The following SLC22A11 variants were observed in gnomAD, a reference collection of about 807,000 sequenced individuals.
The protein encoded by SLC22A11 is solute carrier family 22 member 11, also known as organic anion transporter 4.
SLC22A11 carries 42 observed loss-of-function variants against 49.4 expected under a neutral mutation model. That is an observed-to-expected ratio of 0.85 (90% confidence interval 0.66 to 1.10). The LOEUF is 1.10. SLC22A11 is among the 50% of genes least tolerant of loss of function. SLC22A11 has a pLI of 0.00. For synonymous variants in SLC22A11, 304 were observed against 315.8 expected (o/e 0.96, Z 0.40); for missense variants, 685 against 731.6 (o/e 0.94, Z 0.74).
intron 4 of SLC22A11, among the ~76,000 whole-genome samples, chr11:64,563,924 A>ACC (rs2038585777): frequency 2.0e-5 from 3 of 152,036 alleles, no homozygotes; most frequent in African/African-American, 7.2e-5. Context: ...TCAAAAAAAA[A>ACC]ACAAAAAAAC....
chr11:64,556,089 G>A lies in SLC22A11; in HGVS notation c.90G>A (p.Met30Ile). The A allele has an allele frequency of 6.2e-7, 1 of 1,614,088 alleles. No individual in the cohort carries two copies. Among genetic ancestry groups the A allele is most frequent in the African/African-American group, 1.3e-5 (1 of 75,046 alleles). Residue 30 changes from methionine (M) to isoleucine (I), a missense_variant, in exon 1 of 10, where the codon ATG becomes ATA. By Grantham distance (10) the Met-to-Ile change is conservative. Coordinates refer to ENST00000301891, the MANE Select transcript of SLC22A11 (RefSeq NM_018484.4). ...QVLTFILPCL[M>I]IPSQMLLENF... ...TCACCTTCATCCTCCCCTGCCTCATGATACCTTCCCAGATGCTCCTGGAGA... is the reference window on the plus strand; with the variant it reads ...TCACCTTCATCCTCCCCTGCCTCATAATACCTTCCCAGATGCTCCTGGAGA...
rs1213161912 is a variant in SLC22A11 at position 64,564,876 on chromosome 11, T to G, written c.943-346T>G. On this transcript the variant is annotated intron_variant, in intron 5 of 9. Coordinates refer to ENST00000301891, the MANE Select transcript of SLC22A11 (RefSeq NM_018484.4). The surrounding 1 kb of genome is among the most constrained non-coding windows in gnomAD (Gnocchi z 4.2). ...ACCCACCTCATGGGGGTTCTCGATGTGTCTGGGGAAACAGAATGTGTTTAT... is the reference window on the plus strand; with the variant it reads ...ACCCACCTCATGGGGGTTCTCGATGGGTCTGGGGAAACAGAATGTGTTTAT... Among the ~76,000 whole-genome samples the G allele has an allele frequency of 6.6e-6, 1 of 152,180 alleles. No homozygotes were observed. The highest frequency in any genetic ancestry group is 1.5e-5 in the Non-Finnish European group (1 of 68,022).
At chr11:64,561,761 C>T (rs959208626) in intron 2 of SLC22A11, among the ~76,000 whole-genome samples, 1 of 151,924 alleles carries the variant, frequency 6.6e-6, no homozygotes, top group Non-Finnish European at 1.5e-5. Flanking sequence ...CATGAACCAC[C>T]GTGCCTGGCC....
At chr11:64,561,909 G>A in intron 2 of SLC22A11, 95 bp from the exon 3 acceptor site, 2 of 1,411,734 alleles carry the variant, frequency 1.4e-6, no homozygotes, top group South Asian at 2.8e-5. Context: ...GAGATCCCCT[G>A]GCGTTGTTGA....
intron 4 of SLC22A11, among the ~76,000 whole-genome samples, chr11:64,563,300 T>A (rs571150268): frequency 6.6e-6 from 1 of 152,114 alleles, no homozygotes; most frequent in Non-Finnish European, 1.5e-5. Flanking sequence ...ATGATGCGAT[T>A]ACCACCATTT....
intron 6 of SLC22A11, chr11:64,566,639 G>C (rs554189094): frequency 6.6e-6 from 1 of 152,100 alleles, no homozygotes; most frequent in East Asian, 1.9e-4. Flanking sequence ...CTCCAGTGTC[G>C]GCCGCTTTGA....
At chr11:64,557,010 G>A (rs1388203365) in intron 1 of SLC22A11, among the ~76,000 whole-genome samples, 2 of 152,290 alleles carry the variant, frequency 1.3e-5, no homozygotes, top group South Asian at 2.1e-4. Context: ...GCCCAGATTC[G>A]GATCGGGGCT....
Position 64,562,066 on chromosome 11 carries a change from C to A in SLC22A11, c.560C>A (p.Thr187Asn), listed in dbSNP as rs374535538. The change falls in exon 3 of 10, where the codon ACC becomes AAC. Residue 187 changes from threonine to asparagine, a missense_variant. Physicochemically the swap from Thr to Asn is moderately conservative, Grantham distance 65. Coordinates refer to ENST00000301891, the MANE Select transcript of SLC22A11 (RefSeq NM_018484.4). This position sits in a 1 kb window ranked among gnomAD's most constrained non-coding sequence, Gnocchi z 4.4. ...CLQLAVAGTS[T>N]IFAPTFVIYC... The stretch of plus-strand genomic sequence containing the variant: ...CAGTTGGCCGTGGCGGGCACCAGCA[C>A]CATCTTCGCCCCAACATTCGTCATC... The A allele has an allele frequency of 3.5e-5, 56 of 1,613,698 alleles. No homozygotes were observed. The highest frequency in any genetic ancestry group is 4.7e-5 in the Non-Finnish European group (56 of 1,180,032).
intron 4 of SLC22A11, among the ~76,000 whole-genome samples, chr11:64,563,931 A>G (rs923554332): frequency 1.3e-5 from 2 of 151,856 alleles, no homozygotes; most frequent in Non-Finnish European, 2.9e-5. Context: ...AAAAACAAAA[A>G]AACCCAGCAC....
chr11:64,571,278 A>T lies in SLC22A11; in HGVS notation c.*236A>T. 3.7e-6 allele frequency: 2 copies of T among 547,634 alleles called. No homozygotes were observed. The highest frequency in any genetic ancestry group is 3.3e-6 in the Non-Finnish European group (1 of 306,884). 33.9% of individuals were successfully genotyped at this position (547,634 alleles called of 1,614,324 possible). ...CCCCACCTTACCCGGGCCCTACAGG[A>T]GCCTGTGCAGATGGCCATGCCCAAC... On this transcript the variant is annotated 3_prime_UTR_variant, in exon 10 of 10. Coordinates refer to ENST00000301891, the MANE Select transcript of SLC22A11 (RefSeq NM_018484.4).
At chr11:64,558,867 G>A (rs944395089) in intron 1 of SLC22A11, among the ~76,000 whole-genome samples, 1 of 152,210 alleles carries the variant, frequency 6.6e-6, no homozygotes, top group Non-Finnish European at 1.5e-5. Flanking sequence ...CCTGCTGCCT[G>A]TCAGAGTCTG....
At chr11:64,566,936 G>A (rs1238512069) in intron 6 of SLC22A11, among the ~76,000 whole-genome samples, 1 of 152,210 alleles carries the variant, frequency 6.6e-6, no homozygotes, top group Non-Finnish European at 1.5e-5. Flanking sequence ...TCGTGAGCCA[G>A]TGGGGTGGGG....
rs2038603447 is a variant in SLC22A11, at chr11:64,565,019, A to G, written c.943-203A>G. On this transcript the variant is annotated intron_variant, in intron 5 of 9. Transcript: ENST00000301891. The surrounding 1 kb of genome is among the most constrained non-coding windows in gnomAD (Gnocchi z 4.1). ...GCTAGAGCTGAGAGGACCAGGGCTG[A>G]GTCAAACCTGCAGAAGAGCCAGGGC... 6.6e-6 allele frequency among the ~76,000 whole-genome samples: 1 copy of G among 152,240 alleles called. No individual in the cohort carries two copies.
rs1591378487 is a variant in SLC22A11, at chr11:64,571,257, A to C, written c.*215A>C. The stretch of plus-strand genomic sequence containing the variant: ...TCTCCCTGCCCTGATCAGATTCCCC[A>C]CCTTACCCGGGCCCTACAGGAGCCT... On this transcript the variant is annotated 3_prime_UTR_variant, in exon 10 of 10. Coordinates refer to ENST00000301891, the MANE Select transcript of SLC22A11 (RefSeq NM_018484.4). 1 of 572,446 alleles carries C rather than the reference A, an allele frequency of 1.7e-6. No individual in the cohort carries two copies. Among genetic ancestry groups the C allele is most frequent in the Non-Finnish European group, 3.1e-6 (1 of 322,274 alleles). The allele number at this position is 572,446 out of a possible 1,614,324, so 35.5% of individuals were successfully genotyped here. A position where few individuals can be genotyped will look rare whatever the true frequency, so the allele number is the denominator to read the frequency against.
At chr11:64,568,110 G>A (rs1285143416) in intron 7 of SLC22A11, among the ~76,000 whole-genome samples, 2 of 152,260 alleles carry the variant, frequency 1.3e-5, no homozygotes, top group Admixed American at 6.5e-5. Flanking sequence ...AGGCGGCCGG[G>A]GCCCTGCAGG....
intron 8 of SLC22A11, 69 bp from the exon 9 acceptor site, chr11:64,569,583 G>T (rs1730856669): frequency 6.6e-7 from 1 of 1,506,258 alleles, no homozygotes; most frequent in Admixed American, 1.8e-5. Context: ...TGGCATCTGT[G>T]AGCCCAGGAT....
rs377453914 is a variant in SLC22A11, at chr11:64,564,809, G to A, written c.942+381G>A. Among the ~76,000 whole-genome samples, 9 of 151,790 alleles carry A rather than the reference G, an allele frequency of 5.9e-5. No individual in the cohort carries two copies. The highest frequency in any genetic ancestry group is 1.0e-4 in the Non-Finnish European group (7 of 67,896). The stretch of plus-strand genomic sequence containing the variant: ...CATCATTATCAACAGCACCCACACC[G>A]TCACCTCCATCACCCACCACCTCCA... On this transcript the variant is annotated intron_variant, in intron 5 of 9. Transcript: ENST00000301891. The surrounding 1 kb of genome is among the most constrained non-coding windows in gnomAD (Gnocchi z 4.2).
intron 2 of SLC22A11, among the ~76,000 whole-genome samples, chr11:64,561,652 G>A (rs1309524685): frequency 6.8e-6 from 1 of 146,840 alleles, no homozygotes; most frequent in Non-Finnish European, 1.5e-5. Context: ...TATTTATTTA[G>A]TAGAGACTGA....
Position 64,562,127 on chromosome 11 carries a change from G to A in SLC22A11, c.621G>A (p.Met207Ile), listed in dbSNP as rs777253728. The A allele has an allele frequency of 2.5e-6, 4 of 1,613,764 alleles. No individual in the cohort carries two copies. The African/African-American group carries it at 5.3e-5, about 22-fold the overall frequency. The change falls in exon 3 of 10, where the codon ATG (methionine) becomes ATA (isoleucine). Residue 207 changes from methionine to isoleucine, a missense_variant. By Grantham distance (10) the Met-to-Ile change is conservative. Coordinates refer to ENST00000301891, the MANE Select transcript of SLC22A11 (RefSeq NM_018484.4). This position sits in a 1 kb window ranked among gnomAD's most constrained non-coding sequence, Gnocchi z 4.4. ...TGCGGTTCGTGGCCGCTTTTGGGATGGCCGGCATCTTTCTGAGTTCACTGA... is the reference window on the plus strand; with the variant it reads ...TGCGGTTCGTGGCCGCTTTTGGGATAGCCGGCATCTTTCTGAGTTCACTGA... ...CGLRFVAAFGMAGIFLSSLTL... is the reference protein window; with the variant it reads ...CGLRFVAAFGIAGIFLSSLTL...
Sources: gnomAD v4.1 joint callset for allele counts (sites outside exome capture counted in the v4.1 genomes callset) on GRCh38, gnomAD v4.1.1 for gene constraint, Gnocchi (gnomAD v3.1) non-coding constraint, MANE v1.5 for transcripts, NCBI Gene and HGNC (gene_info 2026-07-23, HGNC 2026-07-21) for gene names.